The following SPG21 variants were observed in gnomAD, a reference collection of about 807,000 sequenced individuals.
SPG21 encodes SPG21 abhydrolase domain containing, maspardin.
In SPG21, 26 loss-of-function variants were observed where a neutral mutation model predicts 38.9. The ratio of observed to expected loss-of-function variants is 0.67; its 90% CI spans 0.49 to 0.93. The LOEUF is 0.93. SPG21 is among the 40% of genes least tolerant of loss of function. SPG21 has a pLI of 0.00. For synonymous variants in SPG21, 136 were observed against 128.9 expected (o/e 1.05, Z -0.37); for missense variants, 333 against 376.5 (o/e 0.88, Z 0.96).
At chr15:64,970,500 G>GT (rs1014515504) in intron 5 of SPG21, among the ~76,000 whole-genome samples, 6 of 151,532 alleles carry the variant, frequency 4.0e-5, no homozygotes, top group Non-Finnish European at 7.4e-5. Context: ...GTCCAAGATT[G>GT]TTTTTTTTCT....
chr15:64,965,449 C>T lies in SPG21; in HGVS notation c.681G>A (p.Gln227=), dbSNP rs1161644887. The T allele has an allele frequency of 1.1e-5, 17 of 1,614,048 alleles. No individual in the cohort carries two copies. The highest frequency in any genetic ancestry group is 1.4e-5 in the Non-Finnish European group (17 of 1,180,040). The change falls in exon 8 of 9, where the codon CAG becomes CAA. Residue 227 remains glutamine (Q), a synonymous_variant. Coordinates refer to ENST00000204566, the MANE Select transcript of SPG21 (RefSeq NM_016630.7). The part of the protein sequence containing the change: ...IPVTIMDVFD[Q]SALSTEAKEE... ...CTTTAGCTTCAGTTGAAAGCGCACTCTGATCAAACACCTTTAAAAAACACA... is the reference window on the plus strand; with the variant it reads ...CTTTAGCTTCAGTTGAAAGCGCACTTTGATCAAACACCTTTAAAAAACACA...
intron 5 of SPG21, among the ~76,000 whole-genome samples, chr15:64,972,632 A>G (rs916912526): frequency 1.3e-5 from 2 of 152,198 alleles, no homozygotes; most frequent in Non-Finnish European, 2.9e-5. Flanking sequence ...GGAGATCGAG[A>G]CCATACTGGT....
chr15:64,986,101 C>T (rs2085988101), intron 1 of SPG21, among the ~76,000 whole-genome samples: 1 of 152,244 alleles, frequency 6.6e-6, no homozygotes, highest in African/African-American at 2.4e-5. Context: ...GGCACAGTGG[C>T]TCACGCCTGT....
chr15:64,975,706 A>C lies in SPG21; in HGVS notation c.306+769T>G, dbSNP rs548911240. Among the ~76,000 whole-genome samples the C allele has an allele frequency of 4.6e-5, 7 of 152,280 alleles. No homozygotes were observed. In the East Asian group the frequency reaches 1.2e-3, roughly 25 times the overall value. On this transcript the variant is annotated intron_variant, in intron 4 of 8. Transcript: ENST00000204566. ...TTCATGATATCCAAAGGGTAAAAAC[A>C]ACCCAAATGTGCATCAGCTGATGAA...
chr15:64,977,271 G>A (rs1295044851), intron 3 of SPG21, among the ~76,000 whole-genome samples: 1 of 152,124 alleles, frequency 6.6e-6, no homozygotes, highest in African/African-American at 2.4e-5. Context: ...TGCCATGTTG[G>A]CCAGGCTAGT....
In SPG21 at chr15:64,974,756, A is replaced by T; in HGVS notation, c.307-9T>A. The T allele has an allele frequency of 6.2e-7, 1 of 1,614,118 alleles. No homozygotes were observed. Among genetic ancestry groups the T allele is most frequent in the Non-Finnish European group, 8.5e-7 (1 of 1,179,996 alleles). ...GCGCCAAAAAGATGAACCTAATTAT[A>T]AACAAATATAAGGCAGATTCTGAAA... On this transcript the variant is annotated splice_polypyrimidine_tract_variant and intron_variant, in intron 4 of 8. Coordinates refer to ENST00000204566, the MANE Select transcript of SPG21 (RefSeq NM_016630.7).
intron 7 of SPG21, among the ~76,000 whole-genome samples, chr15:64,966,760 G>A (rs925554838): frequency 6.6e-6 from 1 of 152,020 alleles, no homozygotes; most frequent in Non-Finnish European, 1.5e-5. Context: ...TTAGCTGGGC[G>A]TGGTGGTGGG....
chr15:64,974,671 A>C lies in SPG21; in HGVS notation c.383T>G (p.Val128Gly), dbSNP rs1244800609. 1 of 1,614,002 alleles carries C rather than the reference A, an allele frequency of 6.2e-7. No individual in the cohort carries two copies. The highest frequency in any genetic ancestry group is 2.2e-5 in the East Asian group (1 of 44,890). ...GGAATTGCAGAGGATTAGGGAATGG[A>C]CTCTAGGAGATTTGTGAGTGTATTC... is the stretch of plus-strand genomic sequence containing the variant. The part of the protein sequence containing the change: ...FAEYTHKSPR[V>G]HSLILCNSFS... The change falls in exon 5 of 9, where the codon GTC becomes GGC. Residue 128 changes from valine to glycine, a missense_variant. Transcript: ENST00000204566.
chr15:64,988,968 C>G (rs1355572795), intron 1 of SPG21: 9 of 128,398 alleles, frequency 7.0e-5, no homozygotes, highest in African/African-American at 2.8e-4. Flanking sequence ...GGCGACGGAG[C>G]GAGACTCCGT....
intron 2 of SPG21, chr15:64,981,239 C>A: frequency 7.6e-6 from 4 of 528,858 alleles, no homozygotes; most frequent in Non-Finnish European, 1.3e-5. Context: ...CTTAGAACTA[C>A]TTTATAATCT....
intron 7 of SPG21, among the ~76,000 whole-genome samples, chr15:64,968,386 A>G (rs970568753): frequency 6.6e-6 from 1 of 151,412 alleles, no homozygotes; most frequent in Non-Finnish European, 1.5e-5. Context: ...TGACACATGT[A>G]TAACATTTCA....
chr15:64,970,244 T>C, intron 5 of SPG21, 22 bp from the exon 6 acceptor site: 1 of 1,569,994 alleles, frequency 6.4e-7, no homozygotes, highest in Non-Finnish European at 8.8e-7. Flanking sequence ...AAAGACCTTA[T>C]AATTTAAACT....
chr15:64,979,714 C>T (rs1171608719), intron 3 of SPG21, among the ~76,000 whole-genome samples: 1 of 151,896 alleles, frequency 6.6e-6, no homozygotes, highest in African/African-American at 2.4e-5. Flanking sequence ...GTAAATAAAA[C>T]GTACACTAAC....
chr15:64,986,854 C>T (rs2086005600), intron 1 of SPG21, among the ~76,000 whole-genome samples: 2 of 152,144 alleles, frequency 1.3e-5, no homozygotes. Flanking sequence ...ACTTGAAATA[C>T]TTCTATATCA....
chr15:64,988,419 C>G (rs1192778039), intron 1 of SPG21, among the ~76,000 whole-genome samples: 1 of 152,160 alleles, frequency 6.6e-6, no homozygotes, highest in African/African-American at 2.4e-5. Context: ...TGTGGAAAAT[C>G]TGTGCTTATA....
At position 64,974,749 on chromosome 15, in the gene SPG21, T is replaced by G; in HGVS notation, c.307-2A>C. 3 of 1,614,084 alleles carry G rather than the reference T, an allele frequency of 1.9e-6. No homozygotes were observed. Among genetic ancestry groups the G allele is most frequent in the Non-Finnish European group, 2.5e-6 (3 of 1,179,998 alleles). The stretch of plus-strand genomic sequence containing the variant: ...CAAAGAAGCGCCAAAAAGATGAACC[T>G]AATTATAAACAAATATAAGGCAGAT... On this transcript the variant is annotated splice_acceptor_variant, in intron 4 of 8. Transcript: ENST00000204566. LOFTEE classifies it high-confidence loss of function.
intron 5 of SPG21, among the ~76,000 whole-genome samples, chr15:64,974,316 G>A (rs1284694948): frequency 6.6e-6 from 1 of 152,032 alleles, no homozygotes; most frequent in Non-Finnish European, 1.5e-5. Context: ...AAAATATACA[G>A]AAATTAACCA....
At chr15:64,976,763 A>AT (rs1453962572) in intron 3 of SPG21, among the ~76,000 whole-genome samples, 35 of 152,372 alleles carry the variant, frequency 2.3e-4, no homozygotes, top group Non-Finnish European at 3.5e-4. Context: ...GAGTATAAAA[A>AT]GTAAGCACAC....
chr15:64,970,290 TA>T, intron 5 of SPG21, 68 bp from the exon 6 acceptor site: 1 of 1,298,284 alleles, frequency 7.7e-7, no homozygotes, highest in Non-Finnish European at 1.1e-6. Flanking sequence ...CATTCAACAT[TA>T]AAGCTTTGTA....
Sources: allele counts gnomAD v4.1 joint callset (sites outside exome capture counted in the v4.1 genomes callset), GRCh38; gene constraint gnomAD v4.1.1; transcripts MANE v1.5; gene names NCBI Gene and HGNC (gene_info 2026-07-23, HGNC 2026-07-21).